Variants in KRT18 observed in about 807,000 individuals in gnomAD.
KRT18 encodes keratin, type I cytoskeletal 18.
KRT18 carries 8 observed loss-of-function variants against 39.9 expected under a neutral mutation model. The ratio of observed to expected loss-of-function variants is 0.20; its 90% CI spans 0.12 to 0.36. The LOEUF is 0.36. Ranked by LOEUF, KRT18 falls within the 10% of genes least tolerant of loss-of-function variation. KRT18 has a pLI of 1.00. For missense variants in KRT18, 396 were observed against 565.7 expected (o/e 0.70, Z 3.04); for synonymous variants, 194 against 227.8 (o/e 0.85, Z 1.33).
At chr12:52,949,749 C>T (rs946840139) in intron 1 of KRT18, 159 bp downstream of exon 1, 3 of 739,426 alleles carry the variant, frequency 4.1e-6, no homozygotes, top group Non-Finnish European at 7.4e-6. Context: ...CCACAGGGTC[C>T]CTAAGAGCAG....
chr12:52,952,390 T>G (rs1289705879), intron 6 of KRT18, 48 bp downstream of exon 6: 5 of 1,316,030 alleles, frequency 3.8e-6, no homozygotes, highest in Non-Finnish European at 5.4e-6. Context: ...GGAGATCACT[T>G]CTCCCCAAAG....
chr12:52,952,114 T>A lies in KRT18; in HGVS notation c.949-5T>A. ...ACCCTGCCCCTCCTCTCTGTGCCCC[T>A]GCAGAAGGCCAGCTTGGAGAACAGC... On this transcript the variant is annotated splice_polypyrimidine_tract_variant and splice_region_variant and intron_variant, in intron 5 of 6. Transcript: ENST00000388835. 1 of 1,555,142 alleles carries A rather than the reference T, an allele frequency of 6.4e-7. No homozygotes were observed.
At chr12:52,951,980 C>G in intron 5 of KRT18, 124 bp downstream of exon 5, 1 of 1,384,628 alleles carries the variant, frequency 7.2e-7, no homozygotes, top group Non-Finnish European at 1.0e-6. Flanking sequence ...TCAGTTTCCT[C>G]TTTGCATTTC....
At chr12:52,949,098 G>T, upstream of KRT18, 1 of 1,321,532 alleles carries the variant, frequency 7.6e-7, no homozygotes, top group Non-Finnish European at 1.1e-6. Flanking sequence ...GATATAACTC[G>T]GGTCGCGCGG....
intron 1 of KRT18, 139 bp from the exon 2 acceptor site, chr12:52,950,189 G>C: frequency 3.9e-6 from 3 of 767,258 alleles, no homozygotes; most frequent in South Asian, 2.7e-5. Context: ...GATGAAAAGG[G>C]ATAGGTGTCC....
At chr12:52,949,693 A>T in intron 1 of KRT18, 103 bp downstream of exon 1, 1 of 1,042,478 alleles carries the variant, frequency 9.6e-7, no homozygotes, top group Non-Finnish European at 1.5e-6. Flanking sequence ...CCCCTACTCC[A>T]CCGGGAGGGG....
rs1942511454 is a variant in KRT18, at chr12:52,952,634, AG to A, written c.1173-86del. ...GAGGGTGATTTGGAGATAAAGGTAG[AG>A]GTCAGGAGGCTTTTTCCCTCTACCT... On this transcript the variant is annotated intron_variant, in intron 6 of 6. Coordinates refer to ENST00000388835, the MANE Select transcript of KRT18 (RefSeq NM_000224.3). 3 of 1,390,452 alleles carry A rather than the reference AG, an allele frequency of 2.2e-6. No individual in the cohort carries two copies. In the African/African-American group the frequency reaches 6.6e-5, roughly 30 times the overall value. The allele number at this position is 1,390,452 out of a possible 1,614,324, so 86.1% of individuals were successfully genotyped here.
rs1565738772 is a variant in KRT18 at position 52,951,467 on chromosome 12, CCT to C, written c.658-13_658-12del. 1 of 1,613,828 alleles carries C rather than the reference CCT, an allele frequency of 6.2e-7. No homozygotes were observed. Among genetic ancestry groups the C allele is most frequent in the South Asian group, 1.1e-5 (1 of 91,062 alleles). ...ACCCTGAACCCTCCTCACTTTTGCCCCTGTCACCTTTAGGAAGTAAAAGGCCT... is the reference window on the plus strand; with the variant it reads ...ACCCTGAACCCTCCTCACTTTTGCCCGTCACCTTTAGGAAGTAAAAGGCCT... On this transcript the variant is annotated splice_polypyrimidine_tract_variant and intron_variant, in intron 3 of 6. Transcript: ENST00000388835.
Position 52,949,325 on chromosome 12 carries a change from C to T in KRT18, c.152C>T (p.Ser51Phe), listed in dbSNP as rs1394324153. ...GGTTCCCGGATCTCCGTGTCCCGCT[C>T]CACCAGCTTCAGGGGCGGCATGGGG... Reference protein sequence around the residue: ...GSGSRISVSRSTSFRGGMGSG... With the variant: ...GSGSRISVSRFTSFRGGMGSG... The change falls in exon 1 of 7, where the codon TCC becomes TTC. Residue 51 changes from serine to phenylalanine, a missense_variant. By Grantham distance (155) the Ser-to-Phe change is radical. Transcript: ENST00000388835. The T allele has an allele frequency of 1.2e-6, 2 of 1,610,654 alleles. No homozygotes were observed. The highest frequency in any genetic ancestry group is 2.2e-5 in the South Asian group (2 of 90,988).
rs1433088298 is a variant in KRT18 at position 52,952,747 on chromosome 12, A to G, written c.1198A>G (p.Asn400Asp). ...FNLGDALDSS[N>D]SMQTIQKTTT... ...TCTTGGTGATGCCTTGGACAGCAGC[A>G]ACTCCATGCAAACCATCCAAAAGAC... The change falls in exon 7 of 7, where the codon AAC (asparagine) becomes GAC (aspartate). Residue 400 changes from asparagine to aspartate, a missense_variant. Transcript: ENST00000388835. 6.2e-7 allele frequency: 1 copy of G among 1,613,130 alleles called. No homozygotes were observed. Among genetic ancestry groups the G allele is most frequent in the Admixed American group, 1.7e-5 (1 of 60,016 alleles).
At position 52,950,371 on chromosome 12, in the gene KRT18, T is replaced by C. The variant is rs1194791264; in HGVS notation, c.461T>C (p.Ile154Thr). The change falls in exon 2 of 7, where the codon ATT (isoleucine) becomes ACT (threonine). Residue 154 changes from isoleucine (I) to threonine (T), a missense_variant. Ile to Thr is a moderately conservative substitution (Grantham distance 89). Transcript: ENST00000388835. ...TVDNARIVLQ[I>T]DNARLAADDF... ...GACAATGCCCGCATCGTTCTGCAGATTGACAATGCCCGTCTTGCTGCTGAT... is the reference window on the plus strand; with the variant it reads ...GACAATGCCCGCATCGTTCTGCAGACTGACAATGCCCGTCTTGCTGCTGAT... The C allele has an allele frequency of 8.1e-6, 13 of 1,613,796 alleles. No individual in the cohort carries two copies. In the East Asian group the frequency reaches 8.9e-5, roughly 11 times the overall value.
Position 52,951,390 on chromosome 12 carries a change from G to A in KRT18, c.658-91G>A, listed in dbSNP as rs1942485017. On this transcript the variant is annotated intron_variant, in intron 3 of 6. Coordinates refer to ENST00000388835, the MANE Select transcript of KRT18 (RefSeq NM_000224.3). The stretch of plus-strand genomic sequence containing the variant: ...GGTTCCTCCTGTCTCTTCTCCAACT[G>A]TAGGCCTCCTAGAAGAGGCAATCAC... 7 of 1,310,250 alleles carry A rather than the reference G, an allele frequency of 5.3e-6. No homozygotes were observed. The South Asian group carries it at 8.3e-5, about 16-fold the overall frequency. 81.2% of individuals were successfully genotyped at this position (1,310,250 alleles called of 1,614,324 possible).
Position 52,952,114 on chromosome 12 carries a change from T to C in KRT18, c.949-5T>C. On this transcript the variant is annotated splice_polypyrimidine_tract_variant and splice_region_variant and intron_variant, in intron 5 of 6. Coordinates refer to ENST00000388835, the MANE Select transcript of KRT18 (RefSeq NM_000224.3). ...ACCCTGCCCCTCCTCTCTGTGCCCC[T>C]GCAGAAGGCCAGCTTGGAGAACAGC... The C allele has an allele frequency of 6.4e-7, 1 of 1,555,140 alleles. No individual in the cohort carries two copies. Among genetic ancestry groups the C allele is most frequent in the Non-Finnish European group, 8.7e-7 (1 of 1,147,840 alleles).
Position 52,949,413 on chromosome 12 carries a change from G to A in KRT18, c.240G>A (p.Glu80=), listed in dbSNP as rs769130435. 35 of 1,612,630 alleles carry A rather than the reference G, an allele frequency of 2.2e-5. No individual in the cohort carries two copies. Among genetic ancestry groups the A allele is most frequent in the Non-Finnish European group, 3.0e-5 (35 of 1,180,042 alleles). The change falls in exon 1 of 7, where the codon GAG becomes GAA. Residue 80 remains glutamate (E), a synonymous_variant. Coordinates refer to ENST00000388835, the MANE Select transcript of KRT18 (RefSeq NM_000224.3). ...CAGGAATGGGAGGCATCCAGAACGA[G>A]AAGGAGACCATGCAAAGCCTGAACG... ...GLAGMGGIQN[E]KETMQSLNDR...
chr12:52,950,113 G>A lies in KRT18; in HGVS notation c.418-215G>A, dbSNP rs1201993345. ...CCAGCCAGCTAGCCAGCCTGCTGAG[G>A]CTTCCCAAGAGGGGCAGAGTGCTGG... On this transcript the variant is annotated intron_variant, in intron 1 of 6. Coordinates refer to ENST00000388835, the MANE Select transcript of KRT18 (RefSeq NM_000224.3). 4.5e-6 allele frequency: 3 copies of A among 671,016 alleles called. No individual in the cohort carries two copies. In the African/African-American group the frequency reaches 5.3e-5, roughly 12 times the overall value. The allele number at this position is 671,016 out of a possible 1,614,324, so 41.6% of individuals were successfully genotyped here. A position where few individuals can be genotyped will look rare whatever the true frequency, so the allele number is the denominator to read the frequency against.
chr12:52,949,146 T>G lies in KRT18; in HGVS notation c.-28T>G. On this transcript the variant is annotated 5_prime_UTR_variant, in exon 1 of 7. Coordinates refer to ENST00000388835, the MANE Select transcript of KRT18 (RefSeq NM_000224.3). ...GCCACCGTCGTCCGCAAAGCCTGAGTCCTGTCCTTTCTCTCTCCCCGGACA... is the reference window on the plus strand; with the variant it reads ...GCCACCGTCGTCCGCAAAGCCTGAGGCCTGTCCTTTCTCTCTCCCCGGACA... The G allele has an allele frequency of 6.2e-7, 1 of 1,606,304 alleles. No homozygotes were observed. Among genetic ancestry groups the G allele is most frequent in the Non-Finnish European group, 8.5e-7 (1 of 1,175,052 alleles).
chr12:52,952,076 G>T (rs1942499982), intron 5 of KRT18, 43 bp from the exon 6 acceptor site: 2 of 1,471,202 alleles, frequency 1.4e-6, no homozygotes, highest in Admixed American at 3.9e-5. Context: ...AGCAGTCCTG[G>T]GACTCTGGGC....
chr12:52,952,842 A>G lies in KRT18; in HGVS notation c.1293A>G (p.Ter431=), dbSNP rs752072208. Residue 431 remains the stop codon, a stop_retained_variant, in exon 7 of 7, where the codon TAA becomes TAG. Coordinates refer to ENST00000388835, the MANE Select transcript of KRT18 (RefSeq NM_000224.3). The stretch of plus-strand genomic sequence containing the variant: ...ATGACACCAAAGTTCTGAGGCATTA[A>G]GCCAGCAGAAGCAGGGTACCCTTTG... The part of the protein sequence containing the change: ...ETNDTKVLRH[*] 1 of 1,606,998 alleles carries G rather than the reference A, an allele frequency of 6.2e-7. No homozygotes were observed.
At chr12:52,949,704 G>A (rs761375972) in intron 1 of KRT18, 114 bp downstream of exon 1, 4 of 987,676 alleles carry the variant, frequency 4.0e-6, no homozygotes, top group Non-Finnish European at 6.4e-6. Context: ...CCGGGAGGGG[G>A]TTGGGCATAC....
Sources: allele counts gnomAD v4.1 joint callset, GRCh38; gene constraint gnomAD v4.1.1; transcripts MANE v1.5; gene names NCBI Gene and HGNC (gene_info 2026-07-23, HGNC 2026-07-21).